The following YWHAE variants were observed in gnomAD, a reference collection of about 807,000 sequenced individuals.
YWHAE encodes tyrosine 3-monooxygenase/tryptophan 5-monooxygenase activation protein epsilon, also known as 14-3-3 protein epsilon.
YWHAE carries 4 observed loss-of-function variants against 30.1 expected under a neutral mutation model. The observed-to-expected ratio is 0.13, with a 90% confidence interval of 0.07 to 0.30. YWHAE has a LOEUF of 0.30. Ranked by LOEUF, YWHAE falls within the 10% of genes least tolerant of loss-of-function variation. YWHAE has a pLI of 1.00. For missense variants in YWHAE, 121 were observed against 315.9 expected (o/e 0.38, Z 4.68); for synonymous variants, 118 against 111.8 (o/e 1.06, Z -0.35).
rs2072715583 is a variant in YWHAE, at chr17:1,355,129, AAAAAAAAAAAAAAAAAAAAT to A, written c.579-802_579-783del. On this transcript the variant is annotated intron_variant, in intron 4 of 5. Transcript: ENST00000264335. ...CCCAAGATTTTTTAAAAAAAAAAAA[AAAAAAAAAAAAAAAAAAAAT>A]TTTTTTTTTTTTTTTTTTTTTTTGG... Among the ~76,000 whole-genome samples, 11 of 99,376 alleles carry A rather than the reference AAAAAAAAAAAAAAAAAAAAT, an allele frequency of 1.1e-4. No homozygotes were observed. In the East Asian group the frequency reaches 2.1e-3, roughly 19 times the overall value. 65.2% of individuals were successfully genotyped at this position (99,376 alleles called of 152,430 possible). A position where few individuals can be genotyped will look rare whatever the true frequency, so the allele number is the denominator to read the frequency against.
intron 5 of YWHAE, among the ~76,000 whole-genome samples, chr17:1,351,384 A>AT (rs1162564470): frequency 6.6e-6 from 1 of 152,028 alleles, no homozygotes; most frequent in Non-Finnish European, 1.5e-5. Context: ...ATCTCAAAAA[A>AT]AAAAAATAAA....
intron 1 of YWHAE, among the ~76,000 whole-genome samples, chr17:1,387,293 C>T (rs1042853695): frequency 1.3e-5 from 2 of 152,150 alleles, no homozygotes; most frequent in African/African-American, 4.8e-5. Context: ...CTCATAAACA[C>T]GTTCGGCTGC....
At chr17:1,384,097 C>T (rs545599064) in intron 1 of YWHAE, among the ~76,000 whole-genome samples, 3 of 152,058 alleles carry the variant, frequency 2.0e-5, no homozygotes, top group Non-Finnish European at 2.9e-5. Context: ...CCCAGCCACT[C>T]GGGAAGATGA....
chr17:1,372,206 T>A (rs1393308377), intron 1 of YWHAE, among the ~76,000 whole-genome samples: 1 of 152,224 alleles, frequency 6.6e-6, no homozygotes, highest in Non-Finnish European at 1.5e-5. Context: ...CTCTGCTAGG[T>A]TCCAGCTTTC....
At chr17:1,394,167 A>G (rs1005864668) in intron 1 of YWHAE, among the ~76,000 whole-genome samples, 11 of 152,178 alleles carry the variant, frequency 7.2e-5, no homozygotes, top group African/African-American at 2.7e-4. Context: ...CTGATTAGCC[A>G]CATGATCATA....
At chr17:1,347,583 GATGA>G (rs2072548394) in intron 5 of YWHAE, among the ~76,000 whole-genome samples, 2 of 152,156 alleles carry the variant, frequency 1.3e-5, no homozygotes, top group African/African-American at 4.8e-5. Flanking sequence ...ATTGCTTAGG[GATGA>G]AAGAACTGAT....
chr17:1,375,932 T>G (rs1405041091), intron 1 of YWHAE, among the ~76,000 whole-genome samples: 1 of 152,194 alleles, frequency 6.6e-6, no homozygotes. Flanking sequence ...TATTCACAAA[T>G]AAAACCCCCC....
intron 1 of YWHAE, among the ~76,000 whole-genome samples, chr17:1,392,758 G>C (rs879390182): frequency 6.6e-6 from 1 of 151,934 alleles, no homozygotes. Flanking sequence ...GCTGAGGCAG[G>C]AGAATCACTT....
At chr17:1,388,281 C>G (rs1385994602) in intron 1 of YWHAE, among the ~76,000 whole-genome samples, 3 of 150,622 alleles carry the variant, frequency 2.0e-5, no homozygotes, top group Non-Finnish European at 4.4e-5. Flanking sequence ...CTTTGGGAGG[C>G]TGAGTTGGGC....
intron 1 of YWHAE, among the ~76,000 whole-genome samples, chr17:1,397,347 C>T (rs1323043492): frequency 6.6e-6 from 1 of 152,150 alleles, no homozygotes; most frequent in Admixed American, 6.5e-5. Context: ...TGATGAGATG[C>T]TAGATTTAAT....
chr17:1,400,007 G>A (rs752990016), intron 1 of YWHAE, 40 bp downstream of exon 1: 8 of 1,611,760 alleles, frequency 5.0e-6, no homozygotes, highest in Middle Eastern at 1.7e-4. Context: ...GGCGGCAGAG[G>A]GTCCGAGAAT....
chr17:1,393,044 AAC>A (rs1373215058), intron 1 of YWHAE, among the ~76,000 whole-genome samples: 1 of 151,532 alleles, frequency 6.6e-6, no homozygotes, highest in Non-Finnish European at 1.5e-5. Flanking sequence ...TCTCTACTAA[AAC>A]ACAAAAGAAA....
rs1436729550 is a variant in YWHAE at position 1,400,053 on chromosome 17, A to G, written c.58T>C (p.Tyr20His). 1 of 1,612,260 alleles carries G rather than the reference A, an allele frequency of 6.2e-7. No individual in the cohort carries two copies. Among genetic ancestry groups the G allele is most frequent in the Non-Finnish European group, 8.5e-7 (1 of 1,179,164 alleles). Residue 20 changes from tyrosine (Y) to histidine (H), a missense_variant, in exon 1 of 6, where the codon TAC becomes CAC. This residue lies in a region of YWHAE where 99 missense variants were observed against 289.3 expected (regional missense o/e 0.34). Coordinates refer to ENST00000264335, the MANE Select transcript of YWHAE (RefSeq NM_006761.5). ...QAKLAEQAER[Y>H]DEMVESMKKV... is the part of the protein sequence containing the mutation. ...CGTTGCCCCCCCAACTCACCGTCGT[A>G]TCGCTCAGCCTGCTCGGCCAGCTTC... is the stretch of plus-strand genomic sequence containing the variant.
intron 1 of YWHAE, among the ~76,000 whole-genome samples, chr17:1,381,116 GGCTCACGTCT>G (rs1289522365): frequency 2.8e-4 from 43 of 152,306 alleles, no homozygotes; most frequent in Middle Eastern, 6.8e-3. Context: ...TGGGCGCAGT[GGCTCACGTCT>G]GTAATCCCAG....
In YWHAE at chr17:1,400,022, G is replaced by GC. The variant is rs753339595; in HGVS notation, c.64+24dup. On this transcript the variant is annotated intron_variant, in intron 1 of 5. Coordinates refer to ENST00000264335, the MANE Select transcript of YWHAE (RefSeq NM_006761.5). ...GGCGGCAGAGGGTCCGAGAATTCCA[G>GC]CCCCCCGTTGCCCCCCCAACTCACC... The GC allele has an allele frequency of 1.2e-5, 19 of 1,605,472 alleles. 1 individual carries two copies. Among genetic ancestry groups the GC allele is most frequent in the South Asian group, 3.3e-5 (3 of 90,902 alleles).
At chr17:1,392,095 C>T (rs913219647) in intron 1 of YWHAE, among the ~76,000 whole-genome samples, 1 of 152,032 alleles carries the variant, frequency 6.6e-6, no homozygotes, top group Non-Finnish European at 1.5e-5. Flanking sequence ...AGCTACTTGG[C>T]ATGCTGAGGT....
At chr17:1,375,833 G>A (rs1007283121) in intron 1 of YWHAE, among the ~76,000 whole-genome samples, 1 of 152,178 alleles carries the variant, frequency 6.6e-6, no homozygotes, top group South Asian at 2.1e-4. Flanking sequence ...TTGGTTTGTG[G>A]TTGTGTTCTT....
chr17:1,349,298 C>T (rs950010170), intron 5 of YWHAE, among the ~76,000 whole-genome samples: 2 of 152,114 alleles, frequency 1.3e-5, no homozygotes, highest in Non-Finnish European at 2.9e-5. Context: ...GCAGAGATTG[C>T]GCCACTATAC....
At chr17:1,376,911 C>T (rs1484921879) in intron 1 of YWHAE, among the ~76,000 whole-genome samples, 1 of 150,548 alleles carries the variant, frequency 6.6e-6, no homozygotes, top group Non-Finnish European at 1.5e-5. Flanking sequence ...CCAAAGCACA[C>T]AGGGTCATAA....
Sources: allele counts gnomAD v4.1 joint callset (sites outside exome capture counted in the v4.1 genomes callset), GRCh38; gene constraint gnomAD v4.1.1; regional missense constraint gnomAD v4.1.1; transcripts MANE v1.5; gene names NCBI Gene and HGNC (gene_info 2026-07-23, HGNC 2026-07-21).